The following DYM variants were observed in gnomAD, a reference collection of about 807,000 sequenced individuals.
The protein encoded by DYM is dyggve-Melchior-Clausen syndrome protein.
DYM carries 78 observed loss-of-function variants against 93.1 expected under a neutral mutation model. That is an observed-to-expected ratio of 0.84 (90% CI 0.70 to 1.01). The LOEUF is 1.01. Ranked by LOEUF, DYM falls within the 50% of genes least tolerant of loss-of-function variation. The probability of loss-of-function intolerance (pLI) is 0.00; values close to 1 mark genes in which losing one functional copy is unlikely to be tolerated. For synonymous variants in DYM, 321 were observed against 319.7 expected, an observed-to-expected ratio of 1.00 and a Z score of -0.04; for missense variants, 789 against 845.0, an observed-to-expected ratio of 0.93 and a Z score of 0.82.
intron 6 of DYM, among the ~76,000 whole-genome samples, chr18:49,334,141 G>A (rs567691532): frequency 6.6e-6 from 1 of 152,220 alleles, no homozygotes; most frequent in South Asian, 2.1e-4. Flanking sequence ...ATAGTTACTA[G>A]CAGTGTTCTG....
At chr18:49,270,892 G>A (rs982867926) in intron 11 of DYM, among the ~76,000 whole-genome samples, 3 of 152,074 alleles carry the variant, frequency 2.0e-5, no homozygotes, top group African/African-American at 7.2e-5. Context: ...CCCTTATAAA[G>A]AGTGAAAGCC....
At chr18:49,110,523 A>G (rs1425845196) in intron 16 of DYM, among the ~76,000 whole-genome samples, 1 of 152,014 alleles carries the variant, frequency 6.6e-6, no homozygotes, top group Non-Finnish European at 1.5e-5. Context: ...TAAAGATGTC[A>G]CTTCATTATC....
chr18:49,419,368 AAAAAT>A (rs371845180), intron 2 of DYM, among the ~76,000 whole-genome samples: 5 of 152,160 alleles, frequency 3.3e-5, no homozygotes, highest in Admixed American at 6.6e-5. Context: ...CAAAAATTAA[AAAAAT>A]AAAATAAAAT....
intron 17 of DYM, among the ~76,000 whole-genome samples, chr18:49,089,437 T>A (rs1317144992): frequency 6.6e-6 from 1 of 152,242 alleles, no homozygotes; most frequent in Non-Finnish European, 1.5e-5. Context: ...TTTAAAGGAA[T>A]CTACTTTAAG....
At chr18:49,117,263 G>C (rs2081994317) in intron 16 of DYM, among the ~76,000 whole-genome samples, 1 of 152,202 alleles carries the variant, frequency 6.6e-6, no homozygotes, top group African/African-American at 2.4e-5. Flanking sequence ...TAGGTATATA[G>C]TTGAAGCAGC....
At chr18:49,385,296 A>C (rs912147300) in intron 3 of DYM, among the ~76,000 whole-genome samples, 23 of 152,148 alleles carry the variant, frequency 1.5e-4, no homozygotes, top group Non-Finnish European at 3.2e-4. Context: ...AGGGAGTCTG[A>C]CTATCATAAA....
At chr18:49,378,349 C>T (rs2067707521) in intron 5 of DYM, among the ~76,000 whole-genome samples, 1 of 152,110 alleles carries the variant, frequency 6.6e-6, no homozygotes, top group Non-Finnish European at 1.5e-5. Flanking sequence ...TCAACCCCAC[C>T]AGCTTTCTTA....
At chr18:49,059,779 T>C (rs192546895) in intron 17 of DYM, among the ~76,000 whole-genome samples, 2 of 152,230 alleles carry the variant, frequency 1.3e-5, no homozygotes, top group Admixed American at 6.5e-5. Flanking sequence ...GGGAAAATAA[T>C]ACAGTGAACA....
At chr18:49,136,086 G>A (rs186902980) in intron 15 of DYM, among the ~76,000 whole-genome samples, 43 of 152,320 alleles carry the variant, frequency 2.8e-4, no homozygotes, top group Non-Finnish European at 5.3e-4. Context: ...TTAGAGCAAG[G>A]GATCACTGAG....
intron 6 of DYM, among the ~76,000 whole-genome samples, chr18:49,362,052 G>A (rs2066076668): frequency 1.4e-5 from 2 of 146,338 alleles, no homozygotes; most frequent in Non-Finnish European, 3.0e-5. Flanking sequence ...TTTAAGTAGA[G>A]ACAGGGTCTC....
In DYM at chr18:49,041,126, A is replaced by C; in HGVS notation, c.*2929T>G. On this transcript the variant is annotated 3_prime_UTR_variant, in exon 18 of 18. Transcript: ENST00000675505. ...TTGAGCTGTGTTGTCTGCACTGCTG[A>C]ATGGTGGCAGTCCTGCTGCAAGGTT... 6.6e-6 allele frequency among the ~76,000 whole-genome samples: 1 copy of C among 152,048 alleles called. No homozygotes were observed. The highest frequency in any genetic ancestry group is 1.9e-4 in the East Asian group (1 of 5,182).
intron 3 of DYM, among the ~76,000 whole-genome samples, chr18:49,385,902 A>G (rs1451882080): frequency 6.6e-6 from 1 of 152,066 alleles, no homozygotes; most frequent in East Asian, 1.9e-4. Context: ...AAAGGCAATG[A>G]ATTTCCCAAA....
intron 15 of DYM, among the ~76,000 whole-genome samples, chr18:49,150,617 T>C (rs143036498): frequency 6.6e-6 from 1 of 152,200 alleles, no homozygotes; most frequent in Non-Finnish European, 1.5e-5. Context: ...AACCACCCAG[T>C]CTACATTTTG....
intron 16 of DYM, among the ~76,000 whole-genome samples, chr18:49,108,859 A>C (rs979801327): frequency 6.6e-6 from 1 of 152,180 alleles, no homozygotes; most frequent in South Asian, 2.1e-4. Context: ...TTGCCATTCT[A>C]TCAGTTTTTA....
chr18:49,383,531 A>C (rs2147768408), intron 3 of DYM, among the ~76,000 whole-genome samples: 1 of 152,348 alleles, frequency 6.6e-6, no homozygotes. Flanking sequence ...CTTGCTCTCA[A>C]ACTAAAATAA....
chr18:49,236,788 T>A (rs1405912227), intron 13 of DYM, among the ~76,000 whole-genome samples: 1 of 152,108 alleles, frequency 6.6e-6, no homozygotes, highest in African/African-American at 2.4e-5. Flanking sequence ...GCCTCTGAGG[T>A]AGAGGATGAA....
chr18:49,209,122 A>T (rs999169272), intron 14 of DYM, among the ~76,000 whole-genome samples: 1 of 152,208 alleles, frequency 6.6e-6, no homozygotes, highest in African/African-American at 2.4e-5. Flanking sequence ...AACCTGCTCA[A>T]CTGAATGCAC....
chr18:49,230,297 A>C (rs12457231), intron 13 of DYM, among the ~76,000 whole-genome samples: 13,424 of 152,196 alleles, frequency 0.088, 824 homozygotes, highest in East Asian at 0.31. Context: ...GGGAAGAAGA[A>C]AATTAGGTTA....
chr18:49,087,085 C>T (rs1167597413), intron 17 of DYM, among the ~76,000 whole-genome samples: 1 of 152,066 alleles, frequency 6.6e-6, no homozygotes, highest in African/African-American at 2.4e-5. Flanking sequence ...GGAAGATGGC[C>T]ATCTATAAAC....
Sources: allele counts gnomAD v4.1 joint callset (sites outside exome capture counted in the v4.1 genomes callset), GRCh38; gene constraint gnomAD v4.1.1; transcripts MANE v1.5; gene names NCBI Gene and HGNC (gene_info 2026-07-23, HGNC 2026-07-21).